Variants in GPD1L observed in about 807,000 individuals in gnomAD.
GPD1L encodes glycerol-3-phosphate dehydrogenase 1-like protein.
Under a neutral mutation model 32.9 loss-of-function variants are expected in GPD1L, and 17 were observed. The observed-to-expected ratio is 0.52, with a 90% CI of 0.35 to 0.78. GPD1L has a LOEUF of 0.78. GPD1L is among the 30% of genes least tolerant of loss of function. The pLI is 0.01. For synonymous variants in GPD1L, 187 were observed against 165.9 expected (o/e 1.13, Z -0.98); for missense variants, 361 against 447.8 (o/e 0.81, Z 1.75).
At chr3:32,164,672 C>G (rs1701120643) in intron 7 of GPD1L, among the ~76,000 whole-genome samples, 1 of 152,108 alleles carries the variant, frequency 6.6e-6, no homozygotes, top group African/African-American at 2.4e-5. Flanking sequence ...TTAGGTCTAC[C>G]TGACTCCAAA....
chr3:32,123,543 G>A (rs1048624348), intron 1 of GPD1L, among the ~76,000 whole-genome samples: 2 of 152,060 alleles, frequency 1.3e-5, no homozygotes, highest in Admixed American at 6.6e-5. Context: ...CACTGGATTC[G>A]ATCATAGACC....
chr3:32,132,786 G>T (rs1342355354), intron 2 of GPD1L, among the ~76,000 whole-genome samples: 1 of 152,126 alleles, frequency 6.6e-6, no homozygotes, highest in African/African-American at 2.4e-5. Flanking sequence ...AACCATGGGG[G>T]TACATAATAA....
At chr3:32,159,954 A>C (rs1389429167) in intron 7 of GPD1L, among the ~76,000 whole-genome samples, 1 of 152,386 alleles carries the variant, frequency 6.6e-6, no homozygotes, top group African/African-American at 2.4e-5. Context: ...TTTGTCTCGC[A>C]GGGTGTTTGG....
At chr3:32,147,138 GGTT>G (rs1248098511) in intron 5 of GPD1L, among the ~76,000 whole-genome samples, 3 of 152,184 alleles carry the variant, frequency 2.0e-5, no homozygotes, top group Admixed American at 6.5e-5. Flanking sequence ...TAGTTTGGCT[GGTT>G]GTTCTTATTA....
intron 1 of GPD1L, among the ~76,000 whole-genome samples, chr3:32,108,447 CA>C (rs1284566179): frequency 1.3e-5 from 2 of 152,164 alleles, no homozygotes; most frequent in Non-Finnish European, 1.5e-5. Flanking sequence ...GCAGAGGTTG[CA>C]GTGAGCCAAA....
intron 1 of GPD1L, among the ~76,000 whole-genome samples, chr3:32,118,762 A>G (rs1158278917): frequency 6.6e-6 from 1 of 151,774 alleles, no homozygotes; most frequent in African/African-American, 2.4e-5. Flanking sequence ...TCATTAAACG[A>G]CAGTTCCTCA....
intron 1 of GPD1L, among the ~76,000 whole-genome samples, chr3:32,112,246 G>A: frequency 8.3e-6 from 1 of 121,174 alleles, no homozygotes; most frequent in East Asian, 3.4e-4. Flanking sequence ...GGGAGGCTGA[G>A]GTGGAGAATC....
At chr3:32,122,172 T>C (rs961480046) in intron 1 of GPD1L, among the ~76,000 whole-genome samples, 1 of 151,938 alleles carries the variant, frequency 6.6e-6, no homozygotes, top group Non-Finnish European at 1.5e-5. Flanking sequence ...CATTCCCTTG[T>C]GTCCCTTGCA....
intron 5 of GPD1L, among the ~76,000 whole-genome samples, chr3:32,149,102 C>T (rs1466932150): frequency 6.6e-6 from 1 of 152,140 alleles, no homozygotes; most frequent in Admixed American, 6.5e-5. Flanking sequence ...GCTGTGCTGC[C>T]CAGACTGAGT....
At chr3:32,140,854 G>T (rs769348121) in intron 4 of GPD1L, among the ~76,000 whole-genome samples, 1 of 152,172 alleles carries the variant, frequency 6.6e-6, no homozygotes. Context: ...ACACACTAAT[G>T]TAGAAGCCAG....
chr3:32,135,612 C>T (rs1434929162), intron 2 of GPD1L, among the ~76,000 whole-genome samples: 1 of 152,060 alleles, frequency 6.6e-6, no homozygotes, highest in Non-Finnish European at 1.5e-5. Flanking sequence ...ACCACCACAC[C>T]TGGCTAATTT....
At chr3:32,158,830 T>G in intron 5 of GPD1L, 46 bp from the exon 6 acceptor site, 1 of 1,595,762 alleles carries the variant, frequency 6.3e-7, no homozygotes. Context: ...TCCATACCCG[T>G]GGTGGGTGCT....
At position 32,106,634 on chromosome 3, in the gene GPD1L, C is replaced by A; in HGVS notation, c.-78C>A. On this transcript the variant is annotated 5_prime_UTR_variant, in exon 1 of 8. In the 5' UTR this introduces an upstream ATG that the reference lacks. Coordinates refer to ENST00000282541, the MANE Select transcript of GPD1L (RefSeq NM_015141.4). The surrounding 1 kb of genome is among the most constrained non-coding windows in gnomAD (Gnocchi z 4.0). ...AAAGGGGCGGGGCCGCCGCCAGCCG[C>A]TGCGGGCAAGGCTGAACAGGCGGAG... 1 of 1,354,428 alleles carries A rather than the reference C, an allele frequency of 7.4e-7. No homozygotes were observed. Among genetic ancestry groups the A allele is most frequent in the Non-Finnish European group, 9.7e-7 (1 of 1,035,236 alleles). The allele number at this position is 1,354,428 out of a possible 1,614,324, so 83.9% of individuals were successfully genotyped here. A position where few individuals can be genotyped will look rare whatever the true frequency, so the allele number is the denominator to read the frequency against.
At chr3:32,144,576 C>A (rs915446536) in intron 4 of GPD1L, among the ~76,000 whole-genome samples, 6 of 152,156 alleles carry the variant, frequency 3.9e-5, no homozygotes, top group African/African-American at 1.4e-4. Context: ...CTTTGGTTTA[C>A]ATTGAGTTTT....
intron 5 of GPD1L, among the ~76,000 whole-genome samples, chr3:32,156,944 A>G (rs1271026402): frequency 9.2e-6 from 1 of 108,344 alleles, no homozygotes; most frequent in East Asian, 3.1e-4. Context: ...CTCTCTGTAC[A>G]GTCACAGGTA....
At chr3:32,160,811 A>C (rs914074175) in intron 7 of GPD1L, among the ~76,000 whole-genome samples, 4 of 152,182 alleles carry the variant, frequency 2.6e-5, no homozygotes, top group African/African-American at 9.7e-5. Flanking sequence ...CTCCAGCCCT[A>C]CCTGCTCCAC....
At chr3:32,131,509 G>A (rs55744101) in intron 2 of GPD1L, among the ~76,000 whole-genome samples, 13,853 of 152,108 alleles carry the variant, frequency 0.091, 732 homozygotes, top group African/African-American at 0.14. Context: ...TACAATATGC[G>A]GTCTTCTGTG....
At chr3:32,143,356 A>G (rs561792907) in intron 4 of GPD1L, among the ~76,000 whole-genome samples, 91 of 152,226 alleles carry the variant, frequency 6.0e-4, no homozygotes, top group African/African-American at 2.0e-3. Context: ...CTGCTGATGT[A>G]CCGGGATTAC....
rs2125489700 is a variant in GPD1L at position 32,145,514 on chromosome 3, C to T, written c.506-1108C>T. Among the ~76,000 whole-genome samples the T allele has an allele frequency of 1.3e-5, 2 of 152,252 alleles. 1 individual carries two copies. The highest frequency in any genetic ancestry group is 6.8e-3 in the Middle Eastern group (2 of 294). ...AGCCAAGAGTGTGCCTTCCCCTGCC[C>T]ATTCCTCAGTTTGTTCACCAGCAAC... On this transcript the variant is annotated intron_variant, in intron 4 of 7. Transcript: ENST00000282541.
Sources: allele counts gnomAD v4.1 joint callset (sites outside exome capture counted in the v4.1 genomes callset), GRCh38; gene constraint gnomAD v4.1.1; non-coding constraint Gnocchi (gnomAD v3.1); transcripts MANE v1.5; gene names NCBI Gene and HGNC (gene_info 2026-07-23, HGNC 2026-07-21).